The following SBNO2 variants were observed in gnomAD, a reference collection of about 807,000 sequenced individuals.
The protein encoded by SBNO2 is protein strawberry notch homolog 2.
A neutral mutation model predicts 146.3 loss-of-function variants in SBNO2; 89 were observed. The observed-to-expected ratio is 0.61, with a 90% CI of 0.51 to 0.73. The LOEUF is 0.73. Among genes scored for constraint, SBNO2 ranks in the 30% least tolerant of loss-of-function variants. SBNO2 has a pLI of 0.00. For missense variants in SBNO2, 2,092 were observed against 2,003.7 expected, an observed-to-expected ratio of 1.04 and a Z score of -0.84; for synonymous variants, 1,147 against 892.6, an observed-to-expected ratio of 1.29 and a Z score of -5.08.
At position 1,108,406 on chromosome 19, in the gene SBNO2, G is replaced by A. The variant is rs1006119591; in HGVS notation, c.3915C>T (p.His1305=). The change falls in exon 32 of 32, where the codon CAC becomes CAT. Residue 1305 remains histidine (H), a synonymous_variant. Coordinates refer to ENST00000361757, the MANE Select transcript of SBNO2 (RefSeq NM_014963.3). ...DAQADPAALA[H]QGCDINFKEV... ...CCTTGAAGTTGATGTCGCAGCCCTG[G>A]TGCGCGAGGGCCGCAGGGTCGGCCT... 6 of 1,277,874 alleles carry A rather than the reference G, an allele frequency of 4.7e-6. No homozygotes were observed. The highest frequency in any genetic ancestry group is 3.2e-5 in the African/African-American group (2 of 61,828). 79.2% of individuals were successfully genotyped at this position (1,277,874 alleles called of 1,614,324 possible).
intron 16 of SBNO2, among the ~76,000 whole-genome samples, 163 bp from the exon 17 acceptor site, chr19:1,116,266 CT>C (rs547628646): frequency 2.5e-3 from 384 of 152,172 alleles, no homozygotes; most frequent in Non-Finnish European, 4.6e-3. Flanking sequence ...GGACTGGGGG[CT>C]GCCTGTGAGC....
chr19:1,172,973 G>A (rs1482310457), intron 1 of SBNO2, among the ~76,000 whole-genome samples: 2 of 145,960 alleles, frequency 1.4e-5, no homozygotes, highest in East Asian at 2.0e-4. Context: ...GGGAGGCCCC[G>A]GCTACACATT....
rs183150602 is a variant in SBNO2, at chr19:1,119,540, T to A, written c.1349A>T (p.Glu450Val). Residue 450 changes from glutamate (E) to valine (V), a missense_variant, in exon 13 of 32, where the codon GAG (glutamate) becomes GTG (valine). By Grantham distance (121) the Glu-to-Val change is moderately radical. Transcript: ENST00000361757. ...GEGTPFRNFE[E>V]FLHAIEKRGV... ...CCTCTTCTCGATGGCGTGCAGGAAC[T>A]CCTCAAAGTTCCGGAAGGGTGTGCC... is the stretch of plus-strand genomic sequence containing the variant. The A allele has an allele frequency of 2.1e-4, 341 of 1,608,788 alleles. No individual in the cohort carries two copies. In the African/African-American group the frequency reaches 3.9e-3, roughly 18 times the overall value.
rs936817328 is a variant in SBNO2, at chr19:1,140,908, G to A, written c.279+6401C>T. On this transcript the variant is annotated intron_variant, in intron 4 of 31. Coordinates refer to ENST00000361757, the MANE Select transcript of SBNO2 (RefSeq NM_014963.3). The surrounding 1 kb of genome is among the most constrained non-coding windows in gnomAD (Gnocchi z 4.4). ...CGCAACGCCAGGCACTCCGGTCCAC[G>A]CCGCACTGTACATGGTGCCGTCTGA... 6.6e-6 allele frequency among the ~76,000 whole-genome samples: 1 copy of A among 152,144 alleles called. No individual in the cohort carries two copies. The highest frequency in any genetic ancestry group is 1.5e-5 in the Non-Finnish European group (1 of 68,020).
chr19:1,149,304 G>A (rs1024267823), intron 3 of SBNO2, 65 bp downstream of exon 3: 77 of 1,452,774 alleles, frequency 5.3e-5, no homozygotes, highest in Middle Eastern at 1.7e-4. Context: ...CCAGAACTCC[G>A]TTTGTAACTG....
intron 4 of SBNO2, among the ~76,000 whole-genome samples, chr19:1,138,330 G>A (rs1433257421): frequency 6.6e-6 from 1 of 151,688 alleles, no homozygotes; most frequent in Non-Finnish European, 1.5e-5. Flanking sequence ...TGGGCCTGGA[G>A]CAGGGGACCC....
At position 1,108,845 on chromosome 19, in the gene SBNO2, C is replaced by T. The variant is rs1200590136; in HGVS notation, c.3550G>A (p.Asp1184Asn). Residue 1184 changes from aspartate (D) to asparagine (N), a missense_variant, in exon 31 of 32, where the codon GAC becomes AAC. Transcript: ENST00000361757. ...VWGRIAAVMA[D>N]VSSSSYLQIV... ...TGCAGGTAGCTGCTGCTGCTGACGT[C>T]GGCCATGACGGCGGCGATGCGGCCC... is the stretch of plus-strand genomic sequence containing the variant. 4.4e-6 allele frequency: 7 copies of T among 1,598,870 alleles called. No homozygotes were observed. The highest frequency in any genetic ancestry group is 1.3e-5 in the African/African-American group (1 of 74,912).
rs974124034 is a variant in SBNO2, at chr19:1,144,723, G to A, written c.279+2586C>T. ...AGAGAGGGAAACAGACACAGAGGCA[G>A]AGAGGGAGACAAAGAGACAGGTGGA... On this transcript the variant is annotated intron_variant, in intron 4 of 31. Coordinates refer to ENST00000361757, the MANE Select transcript of SBNO2 (RefSeq NM_014963.3). This position sits in a 1 kb window ranked among gnomAD's most constrained non-coding sequence, Gnocchi z 4.1. Among the ~76,000 whole-genome samples, 2 of 151,014 alleles carry A rather than the reference G, an allele frequency of 1.3e-5. No homozygotes were observed. The highest frequency in any genetic ancestry group is 2.5e-5 in the African/African-American group (1 of 40,498).
In SBNO2 at chr19:1,110,819, T is replaced by C. The variant is rs776897343; in HGVS notation, c.2954A>G (p.Gln985Arg). 1.6e-5 allele frequency: 26 copies of C among 1,613,546 alleles called. No individual in the cohort carries two copies. In the Admixed American group the frequency reaches 1.8e-4, roughly 11 times the overall value. Residue 985 changes from glutamine to arginine, a missense_variant, in exon 26 of 32, where the codon CAG becomes CGG. Coordinates refer to ENST00000361757, the MANE Select transcript of SBNO2 (RefSeq NM_014963.3). This position sits in a 1 kb window ranked among gnomAD's most constrained non-coding sequence, Gnocchi z 4.9. ...GTGGTCGAAGGTGTCTGAGAAGTACTGGAACAGGGCGTTCTGCTTGTGCAC... is the reference window on the plus strand; with the variant it reads ...GTGGTCGAAGGTGTCTGAGAAGTACCGGAACAGGGCGTTCTGCTTGTGCAC... ...LEVHKQNALF[Q>R]YFSDTFDHLI...
At chr19:1,172,856 G>A (rs913118058) in intron 1 of SBNO2, among the ~76,000 whole-genome samples, 2 of 148,036 alleles carry the variant, frequency 1.4e-5, no homozygotes, top group Non-Finnish European at 3.0e-5. Flanking sequence ...CTGACAGGGC[G>A]TGCAACAGAT....
rs770359226 is a variant in SBNO2 at position 1,119,911 on chromosome 19, G to C, written c.1262C>G (p.Ala421Gly). The C allele has an allele frequency of 1.3e-6, 2 of 1,545,978 alleles. No individual in the cohort carries two copies. Among genetic ancestry groups the C allele is most frequent in the Non-Finnish European group, 1.7e-6 (2 of 1,146,238 alleles). ...LPLARVVYAS[A>G]TGASEPRNMI... ...TGGGATCCGCACCGCCCCACCTGTG[G>C]CGCTGGCGTAGACCACGCGGGCCAG... The change falls in exon 12 of 32, where the codon GCC becomes GGC. Residue 421 changes from alanine (A) to glycine (G), a missense_variant. Coordinates refer to ENST00000361757, the MANE Select transcript of SBNO2 (RefSeq NM_014963.3).
Position 1,108,816 on chromosome 19 carries a change from G to T in SBNO2, c.3579C>A (p.Ile1193=). ...ADVSSSSYLQ[I]VRLKTKDRKK... ...TCCTGTCCTTGGTCTTCAGCCGCACGATCTGCAGGTAGCTGCTGCTGCTGA... is the reference window on the plus strand; with the variant it reads ...TCCTGTCCTTGGTCTTCAGCCGCACTATCTGCAGGTAGCTGCTGCTGCTGA... Residue 1193 remains isoleucine (I), a synonymous_variant, in exon 31 of 32, where the codon ATC becomes ATA. Coordinates refer to ENST00000361757, the MANE Select transcript of SBNO2 (RefSeq NM_014963.3). 6.2e-7 allele frequency: 1 copy of T among 1,602,988 alleles called. No individual in the cohort carries two copies. Among genetic ancestry groups the T allele is most frequent in the Non-Finnish European group, 8.5e-7 (1 of 1,179,004 alleles).
chr19:1,113,709 G>A lies in SBNO2; in HGVS notation c.2078-5C>T. 4 of 1,532,148 alleles carry A rather than the reference G, an allele frequency of 2.6e-6. No individual in the cohort carries two copies. Among genetic ancestry groups the A allele is most frequent in the Non-Finnish European group, 3.5e-6 (4 of 1,141,336 alleles). 94.9% of individuals were successfully genotyped at this position (1,532,148 alleles called of 1,614,324 possible). ...TCTGCAGGAGGCACAGGGGTCCTAG[G>A]GAGGAGGTGGAGGGTCAGGGCAGGA... On this transcript the variant is annotated splice_polypyrimidine_tract_variant and splice_region_variant and intron_variant, in intron 18 of 31. Coordinates refer to ENST00000361757, the MANE Select transcript of SBNO2 (RefSeq NM_014963.3).
rs374072609 is a variant in SBNO2, at chr19:1,117,366, C to T, written c.1661G>A (p.Arg554His). 77 of 1,582,960 alleles carry T rather than the reference C, an allele frequency of 4.9e-5. No homozygotes were observed. The South Asian group carries it at 5.6e-4, about 11-fold the overall frequency. The part of the protein sequence containing the change: ...FKYLCIAAKV[R>H]RLVELAREEL... ...CTCTCGGGCCAGCTCCACCAGCCGGCGCACCTTGGCTGCGATGCACAGATA... is the reference window on the plus strand; with the variant it reads ...CTCTCGGGCCAGCTCCACCAGCCGGTGCACCTTGGCTGCGATGCACAGATA... The change falls in exon 15 of 32, where the codon CGC (arginine) becomes CAC (histidine). Residue 554 changes from arginine to histidine, a missense_variant. Transcript: ENST00000361757.
At chr19:1,147,466 C>T (rs1484813496) in intron 3 of SBNO2, 46 bp from the exon 4 acceptor site, 3 of 1,097,694 alleles carry the variant, frequency 2.7e-6, no homozygotes, top group African/African-American at 3.3e-5. Flanking sequence ...GTGCTCAACC[C>T]ACTCCCTCAG....
intron 2 of SBNO2, among the ~76,000 whole-genome samples, chr19:1,149,711 C>T (rs888206689): frequency 6.6e-6 from 1 of 152,228 alleles, no homozygotes; most frequent in Non-Finnish European, 1.5e-5. Flanking sequence ...TCTTGCTCTA[C>T]CAGCAGCCCC....
Position 1,109,780 on chromosome 19 carries a change from A to C in SBNO2, c.3029-3T>G. 3.4e-6 allele frequency: 4 copies of C among 1,161,012 alleles called. No individual in the cohort carries two copies. Among genetic ancestry groups the C allele is most frequent in the East Asian group, 3.8e-5 (1 of 26,132 alleles). 71.9% of individuals were successfully genotyped at this position (1,161,012 alleles called of 1,614,324 possible). Reference sequence around the variant, plus strand: ...CTCCTCGATACCGGGAGCAAGGTCTAGGGGGGCGGGTGGAGGGTAAGTGGT... The same window carrying C: ...CTCCTCGATACCGGGAGCAAGGTCTCGGGGGGCGGGTGGAGGGTAAGTGGT... On this transcript the variant is annotated splice_region_variant and splice_polypyrimidine_tract_variant and intron_variant, in intron 26 of 31. Coordinates refer to ENST00000361757, the MANE Select transcript of SBNO2 (RefSeq NM_014963.3). The surrounding 1 kb of genome is among the most constrained non-coding windows in gnomAD (Gnocchi z 4.2).
At chr19:1,119,865 C>T (rs759346439) in intron 12 of SBNO2, 41 bp downstream of exon 12, 348 of 1,441,746 alleles carry the variant, frequency 2.4e-4, no homozygotes, top group Admixed American at 1.6e-3. Context: ...GGCAGAAAGA[C>T]GCTGCTGCGG....
chr19:1,111,544 G>A lies in SBNO2; in HGVS notation c.2771C>T (p.Pro924Leu), dbSNP rs1416187529. 2 of 1,594,964 alleles carry A rather than the reference G, an allele frequency of 1.3e-6. No individual in the cohort carries two copies. The highest frequency in any genetic ancestry group is 1.1e-5 in the South Asian group (1 of 87,618). The change falls in exon 24 of 32, where the codon CCC (proline) becomes CTC (leucine). Residue 924 changes from proline (P) to leucine (L), a missense_variant. By Grantham distance (98) the Pro-to-Leu change is moderately conservative. Transcript: ENST00000361757. ...LSQTENKVPV[P>L]QGYPGGVPTF... Reference sequence around the variant, plus strand: ...GGGGACCCCTCCAGGGTATCCCTGGGGCACAGGCACTTTGTTCTCAGTCTG... The same window carrying A: ...GGGGACCCCTCCAGGGTATCCCTGGAGCACAGGCACTTTGTTCTCAGTCTG...
Sources: allele counts gnomAD v4.1 joint callset (sites outside exome capture counted in the v4.1 genomes callset), GRCh38; gene constraint gnomAD v4.1.1; non-coding constraint Gnocchi (gnomAD v3.1); transcripts MANE v1.5; gene names NCBI Gene and HGNC (gene_info 2026-07-23, HGNC 2026-07-21).